RBFOX1: variants seen among roughly 807,000 people sequenced by gnomAD.
RBFOX1 encodes RNA binding protein fox-1 homolog 1.
In RBFOX1, 8 loss-of-function variants were observed where a neutral mutation model predicts 57.7. The observed-to-expected ratio is 0.14, with a 90% confidence interval of 0.08 to 0.25. The LOEUF (loss-of-function observed/expected upper bound fraction) is 0.25. Among genes scored for constraint, RBFOX1 ranks in the 10% least tolerant of loss-of-function variants. RBFOX1 has a pLI of 1.00. For missense variants in RBFOX1, 611 were observed against 548.5 expected (o/e 1.11, Z -1.14); for synonymous variants, 326 against 222.4 (o/e 1.47, Z -4.15).
intron 2 of RBFOX1, among the ~76,000 whole-genome samples, chr16:5,499,967 C>T (rs1039047319): frequency 2.0e-5 from 3 of 152,194 alleles, no homozygotes; most frequent in Admixed American, 6.5e-5. Flanking sequence ...GTATCTGCTA[C>T]ATTTGAGGCA....
At chr16:5,689,466 C>A (rs980942268) in intron 3 of RBFOX1, among the ~76,000 whole-genome samples, 1 of 152,110 alleles carries the variant, frequency 6.6e-6, no homozygotes, top group Non-Finnish European at 1.5e-5. Context: ...TAGTTGCCTG[C>A]TCAAATTTCT....
At chr16:6,077,423 A>G (rs1567399406) in intron 1 of RBFOX1, among the ~76,000 whole-genome samples, 1 of 152,220 alleles carries the variant, frequency 6.6e-6, no homozygotes, top group South Asian at 2.1e-4. Context: ...TTTTCAAATT[A>G]GAGAAGTGAT....
At chr16:5,568,099 C>T (rs1352294420) in intron 2 of RBFOX1, among the ~76,000 whole-genome samples, 4 of 152,210 alleles carry the variant, frequency 2.6e-5, no homozygotes, top group Non-Finnish European at 4.4e-5. Context: ...CACAAACCTT[C>T]GCTGGCTACT....
chr16:7,280,838 A>C (rs2095526319), intron 4 of RBFOX1, among the ~76,000 whole-genome samples: 1 of 151,928 alleles, frequency 6.6e-6, no homozygotes, highest in Non-Finnish European at 1.5e-5. Context: ...TGGGGTGCAA[A>C]ATCACCCACT....
In RBFOX1 at chr16:7,203,193, A is replaced by G. The variant is rs193033296; in HGVS notation, c.27+151095A>G. On this transcript the variant is annotated intron_variant, in intron 4 of 15. Coordinates refer to ENST00000550418, the MANE Select transcript of RBFOX1 (RefSeq NM_018723.4). ...AAAATGTGATACTCACACACGCACAATGGAATATTATTCAACCTTAGAAGG... is the reference window on the plus strand; with the variant it reads ...AAAATGTGATACTCACACACGCACAGTGGAATATTATTCAACCTTAGAAGG... 3.9e-5 allele frequency among the ~76,000 whole-genome samples: 6 copies of G among 152,360 alleles called. No homozygotes were observed. In the East Asian group the frequency reaches 9.6e-4, roughly 24 times the overall value.
intron 4 of RBFOX1, among the ~76,000 whole-genome samples, chr16:7,230,335 G>C (rs571428806): frequency 5.9e-5 from 9 of 152,256 alleles, no homozygotes; most frequent in South Asian, 4.1e-4. Flanking sequence ...TAATTACTCC[G>C]TGTGTTGGGG....
intron 2 of RBFOX1, among the ~76,000 whole-genome samples, chr16:6,503,786 A>C (rs1229420319): frequency 6.6e-6 from 1 of 152,118 alleles, no homozygotes; most frequent in African/African-American, 2.4e-5. Context: ...GCGATGGAGG[A>C]AGCTTCACAC....
chr16:7,533,620 C>A (rs551599015), intron 5 of RBFOX1, among the ~76,000 whole-genome samples: 1 of 152,186 alleles, frequency 6.6e-6, no homozygotes, highest in Non-Finnish European at 1.5e-5. Flanking sequence ...TCATCTAACA[C>A]AAAGCCTCTT....
At chr16:7,564,748 T>A (rs1301677956) in intron 5 of RBFOX1, among the ~76,000 whole-genome samples, 1 of 152,094 alleles carries the variant, frequency 6.6e-6, no homozygotes, top group African/African-American at 2.4e-5. Flanking sequence ...TAGACAAGGC[T>A]GTCTCCTTTA....
rs111359662 is a variant in RBFOX1 at position 6,941,026 on chromosome 16, A to G, written c.-15-111031A>G. On this transcript the variant is annotated intron_variant, in intron 3 of 15. Transcript: ENST00000550418. ...CCGGCCCCCCTTATCGTATACTTCT[A>G]TATGTGTATGGACGCCTATGTGCGT... 5.5e-3 allele frequency among the ~76,000 whole-genome samples: 840 copies of G among 151,974 alleles called. 6 individuals carry two copies. Among genetic ancestry groups the G allele is most frequent in the Non-Finnish European group, 8.9e-3 (607 of 67,962 alleles).
intron 4 of RBFOX1, among the ~76,000 whole-genome samples, chr16:7,055,173 G>A (rs2051708523): frequency 6.6e-6 from 1 of 152,032 alleles, no homozygotes; most frequent in Non-Finnish European, 1.5e-5. Context: ...TCTTCTCATA[G>A]CCTTTAATTT....
chr16:6,982,354 C>G (rs926284033), intron 3 of RBFOX1, among the ~76,000 whole-genome samples: 1 of 152,134 alleles, frequency 6.6e-6, no homozygotes, highest in African/African-American at 2.4e-5. Flanking sequence ...GTCATTTTGA[C>G]TTTTGTTGGT....
intron 1 of RBFOX1, among the ~76,000 whole-genome samples, chr16:5,301,340 C>G (rs1292266795): frequency 2.0e-5 from 3 of 146,990 alleles, no homozygotes; most frequent in Non-Finnish European, 3.0e-5. Context: ...GAGCTTAGGG[C>G]TAGGTGCGGT....
chr16:7,705,178 G>A (rs567615309), intron 14 of RBFOX1, among the ~76,000 whole-genome samples: 1 of 152,078 alleles, frequency 6.6e-6, no homozygotes, highest in Admixed American at 6.6e-5. Flanking sequence ...AGACTAAGCA[G>A]AGAATGGATT....
chr16:6,518,412 C>G (rs187297600), intron 2 of RBFOX1, among the ~76,000 whole-genome samples: 1 of 152,224 alleles, frequency 6.6e-6, no homozygotes, highest in African/African-American at 2.4e-5. Context: ...AAAAAGTGCA[C>G]CAATCAGGGG....
chr16:5,958,174 T>TAA (rs1331000602), intron 4 of RBFOX1, among the ~76,000 whole-genome samples: 1 of 152,218 alleles, frequency 6.6e-6, no homozygotes, highest in African/African-American at 2.4e-5. Context: ...GTAAAGGGCT[T>TAA]AGCACCCTCA....
At chr16:5,522,278 A>C (rs1024800486) in intron 2 of RBFOX1, among the ~76,000 whole-genome samples, 2 of 152,148 alleles carry the variant, frequency 1.3e-5, no homozygotes, top group African/African-American at 4.8e-5. Context: ...CTGTTTGTTC[A>C]TCTGTAAAAT....
intron 3 of RBFOX1, among the ~76,000 whole-genome samples, chr16:6,885,711 T>C (rs1233711749): frequency 1.3e-5 from 2 of 152,026 alleles, no homozygotes; most frequent in Non-Finnish European, 2.9e-5. Flanking sequence ...TTTCTATCTT[T>C]AGTAGAGACT....
At chr16:6,385,390 C>T (rs187366944) in intron 2 of RBFOX1, among the ~76,000 whole-genome samples, 3 of 152,268 alleles carry the variant, frequency 2.0e-5, no homozygotes, top group Admixed American at 6.5e-5. Flanking sequence ...GACAGAGTCT[C>T]CCTCTTTTGC....
Sources: allele counts gnomAD v4.1 joint callset (sites outside exome capture counted in the v4.1 genomes callset), GRCh38; gene constraint gnomAD v4.1.1; transcripts MANE v1.5; gene names NCBI Gene and HGNC (gene_info 2026-07-23, HGNC 2026-07-21).